Variants in CTNNA3 observed in about 807,000 individuals in gnomAD.
The protein encoded by CTNNA3 is catenin alpha 3.
CTNNA3 carries 76 observed loss-of-function variants against 95.7 expected under a neutral mutation model. That is an observed-to-expected ratio of 0.79 (90% CI 0.66 to 0.96). The LOEUF (loss-of-function observed/expected upper bound fraction) is 0.96. Among genes scored for constraint, CTNNA3 ranks in the 40% least tolerant of loss-of-function variants. CTNNA3 has a pLI of 0.00. For missense variants in CTNNA3, 1,191 were observed against 1,089.8 expected, an observed-to-expected ratio of 1.09 and a Z score of -1.31; for synonymous variants, 431 against 374.4, an observed-to-expected ratio of 1.15 and a Z score of -1.74.
intron 14 of CTNNA3, among the ~76,000 whole-genome samples, chr10:66,082,872 T>C (rs1314986533): frequency 1.3e-5 from 2 of 152,170 alleles, no homozygotes. Flanking sequence ...TTTTCTCATC[T>C]TTCCTGTGTG....
chr10:66,856,402 A>G (rs560770590), intron 7 of CTNNA3, among the ~76,000 whole-genome samples: 23 of 152,038 alleles, frequency 1.5e-4, no homozygotes, highest in Non-Finnish European at 2.4e-4. Context: ...TGGTAGAACA[A>G]TTTATATTCC....
intron 10 of CTNNA3, among the ~76,000 whole-genome samples, chr10:66,556,292 A>G (rs749477827): frequency 2.0e-5 from 3 of 152,058 alleles, no homozygotes; most frequent in Non-Finnish European, 4.4e-5. Flanking sequence ...GCCATTATGG[A>G]AAAGAATATG....
intron 4 of CTNNA3, among the ~76,000 whole-genome samples, chr10:67,537,214 T>C (rs1247473865): frequency 6.6e-6 from 1 of 152,182 alleles, no homozygotes; most frequent in Non-Finnish European, 1.5e-5. Context: ...TGTAGGTCCA[T>C]GAATTTGCCT....
chr10:67,739,833 A>G (rs1841324877), intron 1 of CTNNA3, among the ~76,000 whole-genome samples: 7 of 152,338 alleles, frequency 4.6e-5, no homozygotes, highest in Admixed American at 4.6e-4. Context: ...GAACCAAAAA[A>G]GAGGCCGCAT....
intron 5 of CTNNA3, among the ~76,000 whole-genome samples, chr10:67,323,166 T>G (rs967667672): frequency 1.3e-5 from 2 of 152,216 alleles, no homozygotes; most frequent in Non-Finnish European, 2.9e-5. Flanking sequence ...ATTCTTTAGG[T>G]TGTCTGTTGA....
intron 7 of CTNNA3, among the ~76,000 whole-genome samples, chr10:67,068,806 T>A (rs1452355312): frequency 6.6e-6 from 1 of 152,230 alleles, no homozygotes; most frequent in Non-Finnish European, 1.5e-5. Flanking sequence ...ACGCCTGTAA[T>A]CCCAGCACTT....
chr10:67,392,675 G>A, intron 5 of CTNNA3, among the ~76,000 whole-genome samples: 1 of 152,160 alleles, frequency 6.6e-6, no homozygotes, highest in East Asian at 1.9e-4. Flanking sequence ...ATCAATGATA[G>A]ACTGGATTAA....
chr10:66,965,445 G>T (rs990942974), intron 7 of CTNNA3, among the ~76,000 whole-genome samples: 4 of 151,286 alleles, frequency 2.6e-5, no homozygotes, highest in African/African-American at 9.7e-5. Context: ...TGAGGCAGGG[G>T]AATCGCTTGA....
rs574018147 is a variant in CTNNA3, at chr10:66,354,024, TG to T, written c.1732+25127del. Among the ~76,000 whole-genome samples, 373 of 152,274 alleles carry T rather than the reference TG, an allele frequency of 2.4e-3. 2 individuals are homozygous for T. The highest frequency in any genetic ancestry group is 8.8e-3 in the African/African-American group (364 of 41,580). ...ACGGCCAGACGCAGCGGCTCACGCC[TG>T]TAATCCCAGCAGTTTGGGAAGCCAA... On this transcript the variant is annotated intron_variant, in intron 12 of 17. Coordinates refer to ENST00000433211, the MANE Select transcript of CTNNA3 (RefSeq NM_013266.4).
chr10:67,277,242 A>G (rs1223204310), intron 5 of CTNNA3, among the ~76,000 whole-genome samples: 6 of 152,176 alleles, frequency 3.9e-5, no homozygotes, highest in Non-Finnish European at 7.4e-5. Context: ...TATTTGTTCA[A>G]TGCCCACTGC....
Position 66,331,479 on chromosome 10 carries a change from G to A in CTNNA3, c.1732+47673C>T, listed in dbSNP as rs530732915. 7.5e-4 allele frequency among the ~76,000 whole-genome samples: 112 copies of A among 148,928 alleles called. 1 individual carries two copies. Among genetic ancestry groups the A allele is most frequent in the African/African-American group, 2.5e-3 (101 of 40,498 alleles). On this transcript the variant is annotated intron_variant, in intron 12 of 17. Coordinates refer to ENST00000433211, the MANE Select transcript of CTNNA3 (RefSeq NM_013266.4). ...CGCCATTCTCCTGCCTCAGCCTCCCGTGTAGCTGGGACTACAGGCGCGCAC... is the reference window on the plus strand; with the variant it reads ...CGCCATTCTCCTGCCTCAGCCTCCCATGTAGCTGGGACTACAGGCGCGCAC...
chr10:67,576,486 G>T lies in CTNNA3; in HGVS notation c.292+30371C>A, dbSNP rs574045336. ...GTTTTTAGTTCCATGAGTGGTACAC[G>T]GTAAGCTTTCAAAAATTAGTAATTA... On this transcript the variant is annotated intron_variant, in intron 3 of 17. Coordinates refer to ENST00000433211, the MANE Select transcript of CTNNA3 (RefSeq NM_013266.4). 4.0e-5 allele frequency among the ~76,000 whole-genome samples: 6 copies of T among 151,794 alleles called. No homozygotes were observed. The East Asian group carries it at 7.8e-4, about 20-fold the overall frequency.
intron 7 of CTNNA3, among the ~76,000 whole-genome samples, chr10:66,804,770 T>C (rs1841573998): frequency 6.6e-6 from 1 of 152,066 alleles, no homozygotes; most frequent in Admixed American, 6.6e-5. Context: ...GAGTTAGAAA[T>C]TGGCTCTATT....
intron 11 of CTNNA3, among the ~76,000 whole-genome samples, chr10:66,389,342 A>T (rs1442056600): frequency 6.6e-6 from 1 of 152,122 alleles, no homozygotes; most frequent in Non-Finnish European, 1.5e-5. Flanking sequence ...GGATTGTCAC[A>T]TAGTGAAGAT....
chr10:66,111,757 G>A (rs1221769920), intron 13 of CTNNA3, among the ~76,000 whole-genome samples: 1 of 152,106 alleles, frequency 6.6e-6, no homozygotes, highest in Non-Finnish European at 1.5e-5. Context: ...AGGAAAAACT[G>A]GGAAGATATT....
At chr10:66,321,526 A>G (rs1293066947) in intron 12 of CTNNA3, among the ~76,000 whole-genome samples, 1 of 152,134 alleles carries the variant, frequency 6.6e-6, no homozygotes, top group Non-Finnish European at 1.5e-5. Context: ...GTTATTCTCA[A>G]CAATTCCACT....
At chr10:67,131,353 T>C (rs940638188) in intron 7 of CTNNA3, among the ~76,000 whole-genome samples, 5 of 152,140 alleles carry the variant, frequency 3.3e-5, no homozygotes, top group African/African-American at 1.2e-4. Flanking sequence ...ATATACTCCA[T>C]AGGATTGTTT....
intron 13 of CTNNA3, among the ~76,000 whole-genome samples, chr10:66,218,034 G>A (rs556834102): frequency 1.5e-4 from 23 of 152,322 alleles, no homozygotes; most frequent in Admixed American, 1.3e-3. Context: ...CAGCTCCTGT[G>A]TGGTGGCCTG....
chr10:66,717,390 G>T (rs1206650622), intron 9 of CTNNA3, among the ~76,000 whole-genome samples: 1 of 151,948 alleles, frequency 6.6e-6, no homozygotes. Context: ...GACAAACCAC[G>T]GTTTCTAGAA....
Sources: gnomAD v4.1 joint callset for allele counts (sites outside exome capture counted in the v4.1 genomes callset) on GRCh38, gnomAD v4.1.1 for gene constraint, MANE v1.5 for transcripts, NCBI Gene and HGNC (gene_info 2026-07-23, HGNC 2026-07-21) for gene names.